Variants in C12orf56 observed in about 807,000 individuals in gnomAD.
C12orf56 encodes chromosome 12 open reading frame 56.
Under a neutral mutation model 69.9 loss-of-function variants are expected in C12orf56, and 71 were observed. That is an observed-to-expected ratio of 1.02 (90% CI 0.84 to 1.24). The LOEUF is 1.24. Among genes scored for constraint, C12orf56 ranks in the 50% most tolerant of loss-of-function variants. The pLI is 0.00. For missense variants in C12orf56, 732 were observed against 738.5 expected (o/e 0.99, Z 0.10); for synonymous variants, 276 against 274.1 (o/e 1.01, Z -0.07).
intron 2 of C12orf56, among the ~76,000 whole-genome samples, chr12:64,332,282 G>A (rs1187346195): frequency 1.9e-5 from 2 of 107,510 alleles, no homozygotes; most frequent in East Asian, 5.9e-4. Context: ...CAGCCTGGGT[G>A]AAAGAGCGAG....
At chr12:64,273,250 G>A (rs574903209) in intron 11 of C12orf56, among the ~76,000 whole-genome samples, 108 of 149,258 alleles carry the variant, frequency 7.2e-4, no homozygotes, top group African/African-American at 2.4e-3. Context: ...AGCTGAGATC[G>A]CAGAACTACT....
chr12:64,340,559 T>C (rs909092461), intron 2 of C12orf56, among the ~76,000 whole-genome samples: 6 of 152,150 alleles, frequency 3.9e-5, no homozygotes, highest in African/African-American at 1.2e-4. Context: ...CCAACCCAAA[T>C]ACTATTCCAT....
Position 64,274,989 on chromosome 12 carries a change from G to T in C12orf56, c.1510-14C>A. ...TCCGAGATTTCCCTAAAAGACTCAA[G>T]GAAATAAACAAGTTATATTCATAAA... is the stretch of plus-strand genomic sequence containing the variant. On this transcript the variant is annotated splice_polypyrimidine_tract_variant and intron_variant, in intron 10 of 12. Transcript: ENST00000543942. 1 of 1,588,176 alleles carries T rather than the reference G, an allele frequency of 6.3e-7. No homozygotes were observed. Among genetic ancestry groups the T allele is most frequent in the Admixed American group, 1.7e-5 (1 of 59,886 alleles).
intron 12 of C12orf56, 36 bp from the exon 13 acceptor site, chr12:64,267,324 TA>T (rs764814129): frequency 1.3e-6 from 2 of 1,501,662 alleles, no homozygotes; most frequent in East Asian, 2.4e-5. Flanking sequence ...TAGAGAGTTT[TA>T]AAAACAAGAA....
At chr12:64,318,507 G>C in intron 4 of C12orf56, 68 bp downstream of exon 4, 2 of 1,335,104 alleles carry the variant, frequency 1.5e-6, no homozygotes, top group Non-Finnish European at 9.9e-7. Context: ...GGAGGGAGGA[G>C]GGCTTGTTTG....
At chr12:64,301,735 G>C (rs1011815733) in intron 6 of C12orf56, among the ~76,000 whole-genome samples, 1 of 152,050 alleles carries the variant, frequency 6.6e-6, no homozygotes, top group Non-Finnish European at 1.5e-5. Flanking sequence ...TCTGTATCTC[G>C]TTATTGGGCC....
Position 64,313,274 on chromosome 12 carries a change from A to AAAAGAAAGAAAGAAAGAAAG in C12orf56, c.895-542_895-523dup, listed in dbSNP as rs760452951. Among the ~76,000 whole-genome samples the AAAAGAAAGAAAGAAAGAAAG allele has an allele frequency of 3.1e-3, 253 of 81,456 alleles. 7 individuals carry two copies. The highest frequency in any genetic ancestry group is 5.1e-3 in the African/African-American group (108 of 21,292). 53.4% of individuals were successfully genotyped at this position (81,456 alleles called of 152,430 possible). On this transcript the variant is annotated intron_variant, in intron 4 of 12. Transcript: ENST00000543942. ...GAGACTCTGTCTCAAAAAAAAAAAA[A>AAAAGAAAGAAAGAAAGAAAG]AAAGAAAGAAAGAAAGAAAGAAAGA... is the stretch of plus-strand genomic sequence containing the variant.
chr12:64,346,247 G>A (rs987530510), intron 2 of C12orf56, among the ~76,000 whole-genome samples: 7 of 152,266 alleles, frequency 4.6e-5, no homozygotes, highest in Middle Eastern at 3.4e-3. Flanking sequence ...CCTGGAGCCC[G>A]ACGTTCGAGG....
At position 64,267,023 on chromosome 12, in the gene C12orf56, T is replaced by A. The variant is rs1346657008; in HGVS notation, c.*160A>T. 10 of 559,268 alleles carry A rather than the reference T, an allele frequency of 1.8e-5. No homozygotes were observed. In the East Asian group the frequency reaches 3.1e-4, roughly 18 times the overall value. 34.6% of individuals were successfully genotyped at this position (559,268 alleles called of 1,614,324 possible). A position where few individuals can be genotyped will look rare whatever the true frequency, so the allele number is the denominator to read the frequency against. ...TTTATTTTTTAAAATTTTAAACTTC[T>A]CATAGAGAGGTATTGATGGAACATT... On this transcript the variant is annotated 3_prime_UTR_variant, in exon 13 of 13. Transcript: ENST00000543942.
chr12:64,380,120 A>C lies in C12orf56; in HGVS notation c.252+10194T>G, dbSNP rs1405602765. Among the ~76,000 whole-genome samples the C allele has an allele frequency of 1.9e-4, 17 of 91,868 alleles. 1 individual carries two copies. Among genetic ancestry groups the C allele is most frequent in the South Asian group, 6.3e-4 (2 of 3,168 alleles). 60.3% of individuals were successfully genotyped at this position (91,868 alleles called of 152,430 possible). ...ACTCCGTCGCAAAAAAAAAAAAAAA[A>C]AAAAAAAAAAAAAACAAAACAAACA... On this transcript the variant is annotated intron_variant, in intron 1 of 12. Transcript: ENST00000543942.
intron 2 of C12orf56, among the ~76,000 whole-genome samples, chr12:64,351,617 T>G (rs1005885414): frequency 6.6e-5 from 10 of 152,158 alleles, no homozygotes; most frequent in South Asian, 2.1e-4. Context: ...TAGTCCTCCC[T>G]GTTAATGTCA....
At chr12:64,363,118 C>T (rs2039419860) in intron 1 of C12orf56, among the ~76,000 whole-genome samples, 1 of 152,136 alleles carries the variant, frequency 6.6e-6, no homozygotes, top group Admixed American at 6.5e-5. Context: ...TAGGTCGCAG[C>T]CTCATTTTAC....
intron 2 of C12orf56, chr12:64,338,228 A>T: frequency 1.8e-6 from 1 of 568,302 alleles, no homozygotes; most frequent in Non-Finnish European, 3.4e-6. Context: ...GACTTCTGGC[A>T]TCATCTGCTG....
At chr12:64,306,436 T>TTA (rs772340597) in intron 5 of C12orf56, among the ~76,000 whole-genome samples, 17 of 149,490 alleles carry the variant, frequency 1.1e-4, no homozygotes, top group Admixed American at 2.0e-4. Context: ...TTTTTTTTTT[T>TTA]AGACAGAGTC....
intron 1 of C12orf56, among the ~76,000 whole-genome samples, chr12:64,365,981 TG>T (rs2039469101): frequency 7.7e-6 from 1 of 129,332 alleles, no homozygotes; most frequent in East Asian, 2.2e-4. Flanking sequence ...ATATATAGCT[TG>T]TATAATATAT....
intron 6 of C12orf56, among the ~76,000 whole-genome samples, chr12:64,301,760 C>T (rs967405757): frequency 2.0e-5 from 3 of 152,072 alleles, no homozygotes; most frequent in Non-Finnish European, 4.4e-5. Context: ...AATAAGCAGC[C>T]CGACCCTTGG....
chr12:64,328,099 G>A (rs1484093482), intron 3 of C12orf56, among the ~76,000 whole-genome samples: 1 of 151,832 alleles, frequency 6.6e-6, no homozygotes, highest in African/African-American at 2.4e-5. Context: ...TGTGAGAGAG[G>A]GTGAGAATGA....
chr12:64,358,277 G>A (rs1256756729), intron 1 of C12orf56, among the ~76,000 whole-genome samples: 1 of 149,314 alleles, frequency 6.7e-6, no homozygotes, highest in South Asian at 2.2e-4. Flanking sequence ...GGCCAACATG[G>A]TGTAACTCCG....
intron 1 of C12orf56, among the ~76,000 whole-genome samples, chr12:64,375,772 A>T (rs2039631016): frequency 3.0e-5 from 1 of 32,934 alleles, no homozygotes; most frequent in African/African-American, 6.0e-5. Flanking sequence ...GCGAAAATTT[A>T]AAAAATATTG....
Sources: gnomAD v4.1 joint callset for allele counts (sites outside exome capture counted in the v4.1 genomes callset) on GRCh38, gnomAD v4.1.1 for gene constraint, MANE v1.5 for transcripts, NCBI Gene and HGNC (gene_info 2026-07-23, HGNC 2026-07-21) for gene names.